Variants in GET1 observed in about 807,000 individuals in gnomAD.
The protein encoded by GET1 is congenital heart disease 5 protein.
GET1 carries 20 observed loss-of-function variants against 22.6 expected under a neutral mutation model. The ratio of observed to expected loss-of-function variants is 0.89; its 90% CI spans 0.62 to 1.29. GET1 has a LOEUF of 1.29. GET1 is among the 50% of genes most tolerant of loss of function. The pLI is 0.00. For synonymous variants in GET1, 92 were observed against 83.8 expected, an observed-to-expected ratio of 1.10 and a Z score of -0.53; for missense variants, 209 against 219.9, an observed-to-expected ratio of 0.95 and a Z score of 0.31.
At chr21:39,409,543 A>G (rs78157297), downstream of GET1, among the ~76,000 whole-genome samples, 1 of 152,032 alleles carries the variant, frequency 6.6e-6, no homozygotes. This position sits in a 1 kb window ranked among gnomAD's most constrained non-coding sequence, Gnocchi z 4.2. Flanking sequence ...TAAGCAGGCT[A>G]CTGGGTACAT....
intron 4 of GET1, 118 bp from the exon 5 acceptor site, chr21:39,396,748 G>A: frequency 1.1e-6 from 1 of 886,084 alleles, no homozygotes; most frequent in Non-Finnish European, 1.8e-6. Flanking sequence ...CTTCACTTCA[G>A]CCCAGCACTG....
intron 4 of GET1, among the ~76,000 whole-genome samples, chr21:39,395,490 C>T (rs566509463): frequency 7.9e-5 from 12 of 151,952 alleles, no homozygotes; most frequent in South Asian, 2.1e-4. Context: ...TCAGCCTCCC[C>T]GGTAGCTGGG....
intron 2 of GET1, chr21:39,391,502 G>T (rs973564445): frequency 3.2e-5 from 13 of 407,028 alleles, no homozygotes; most frequent in Middle Eastern, 7.5e-4. Context: ...ATTATACAAA[G>T]AATCTTTGAT....
chr21:39,391,488 CTGTATTATACAAAGAATCTTT>C (rs773321194), intron 2 of GET1: 115 of 370,976 alleles, frequency 3.1e-4, no homozygotes, highest in Non-Finnish European at 5.4e-4. Context: ...TAAGTGGTAA[CTGTATTATACAAAGAATCTTT>C]GATTTCATGA....
At chr21:39,399,529 C>T (rs2038786979), downstream of GET1, among the ~76,000 whole-genome samples, 2 of 152,136 alleles carry the variant, frequency 1.3e-5, no homozygotes, top group South Asian at 4.1e-4. Context: ...ACTGCAACCT[C>T]TGCCTCCTGG....
At chr21:39,414,503 A>C (rs1393342879) in intron 1 of GET1, among the ~76,000 whole-genome samples, 1 of 152,200 alleles carries the variant, frequency 6.6e-6, no homozygotes, top group Non-Finnish European at 1.5e-5. Context: ...ACTTTCGTTA[A>C]TGTGGCAGAC....
intron 1 of GET1, chr21:39,422,974 A>G: frequency 6.2e-7 from 1 of 1,612,354 alleles, no homozygotes; most frequent in South Asian, 1.1e-5. Flanking sequence ...TGAAATACAG[A>G]CCTGTATTTT....
At chr21:39,389,896 G>A in intron 1 of GET1, among the ~76,000 whole-genome samples, 1 of 152,148 alleles carries the variant, frequency 6.6e-6, no homozygotes, top group East Asian at 1.9e-4. Context: ...CCTGTCACTG[G>A]AATAACAGCT....
downstream of GET1, chr21:39,406,644 T>C (rs1476513826): frequency 8.7e-6 from 13 of 1,494,620 alleles, no homozygotes; most frequent in African/African-American, 1.4e-5. Context: ...TTTAGTGCTG[T>C]TTAAAATGAA....
intron 1 of GET1, chr21:39,422,636 A>C: frequency 2.6e-6 from 1 of 389,940 alleles, no homozygotes; most frequent in Non-Finnish European, 4.5e-6. Context: ...GAGAGGTTTC[A>C]CGTAACACAA....
downstream of GET1, chr21:39,407,665 C>G (rs1017927382): frequency 6.6e-6 from 1 of 152,208 alleles, no homozygotes; most frequent in Non-Finnish European, 1.5e-5. Flanking sequence ...GTTCCCACTA[C>G]AGAATATAAG....
At chr21:39,410,809 AC>A (rs1266383859), downstream of GET1, 2 of 470,404 alleles carry the variant, frequency 4.3e-6, no homozygotes, top group Admixed American at 4.7e-5. Flanking sequence ...CATTTAAACA[AC>A]CCCTCGGTTG....
chr21:39,391,952 G>A (rs917192974), intron 3 of GET1, 116 bp downstream of exon 3: 17 of 945,422 alleles, frequency 1.8e-5, no homozygotes, highest in Non-Finnish European at 2.2e-5. Flanking sequence ...CTGTCGTGTC[G>A]TGTGTCCCTG....
chr21:39,384,032 C>A lies in GET1; in HGVS notation c.102+3546C>A, dbSNP rs549831691. ...CTGGGATTACAGGCGTGAGCCACCA[C>A]CCCCGGCCTTTTTTTTTTTTTGTAA... On this transcript the variant is annotated intron_variant, in intron 1 of 4. Coordinates refer to ENST00000649170, the MANE Select transcript of GET1 (RefSeq NM_004627.6). 5.5e-4 allele frequency among the ~76,000 whole-genome samples: 84 copies of A among 151,468 alleles called. 2 individuals are homozygous for A. The South Asian group carries it at 0.016, about 30-fold the overall frequency.
intron 1 of GET1, chr21:39,422,822 T>G (rs2147718628): frequency 2.8e-6 from 2 of 703,776 alleles, no homozygotes; most frequent in South Asian, 3.9e-5. Flanking sequence ...TCCCTTTCTG[T>G]GCCCTCTATT....
intron 1 of GET1, among the ~76,000 whole-genome samples, chr21:39,417,987 C>G (rs2041579527): frequency 6.6e-6 from 1 of 152,114 alleles, no homozygotes; most frequent in Non-Finnish European, 1.5e-5. Context: ...AGGATTGTCT[C>G]CATCTCCTGA....
chr21:39,392,867 T>TCG, intron 3 of GET1: 23 of 273,386 alleles, frequency 8.4e-5, no homozygotes, highest in South Asian at 4.6e-4. Flanking sequence ...ATGTGTAGAT[T>TCG]GTGTTCATCC....
At chr21:39,424,659 A>T (rs1314333194) in intron 1 of GET1, among the ~76,000 whole-genome samples, 4 of 152,212 alleles carry the variant, frequency 2.6e-5, no homozygotes, top group African/African-American at 4.8e-5. Flanking sequence ...ATTCAAAATG[A>T]CCCTCAAAAG....
chr21:39,387,838 G>C (rs2038021377), intron 1 of GET1: 2 of 985,666 alleles, frequency 2.0e-6, no homozygotes, highest in South Asian at 4.7e-5. Flanking sequence ...CCTACTGTGC[G>C]GCAGGCGGAG....
Sources: gnomAD v4.1 joint callset for allele counts (sites outside exome capture counted in the v4.1 genomes callset) on GRCh38, gnomAD v4.1.1 for gene constraint, Gnocchi (gnomAD v3.1) non-coding constraint, MANE v1.5 for transcripts, NCBI Gene and HGNC (gene_info 2026-07-23, HGNC 2026-07-21) for gene names.